Variants in ERBB4 observed in about 807,000 individuals in gnomAD.
ERBB4 encodes the protein erb-b2 receptor tyrosine kinase 4, also known as receptor tyrosine-protein kinase erbB-4.
ERBB4 carries 42 observed loss-of-function variants against 158.0 expected under a neutral mutation model. The observed-to-expected ratio is 0.27, with a 90% CI of 0.21 to 0.34. The LOEUF (loss-of-function observed/expected upper bound fraction) is 0.34. Ranked by LOEUF, ERBB4 falls within the 10% of genes least tolerant of loss-of-function variation. The pLI, the probability that ERBB4 is intolerant of heterozygous loss-of-function variation, is 1.00. For missense variants in ERBB4, 1,333 were observed against 1,624.1 expected (o/e 0.82, Z 3.08); for synonymous variants, 583 against 558.7 (o/e 1.04, Z -0.61).
chr2:211,865,869 G>A (rs529829163), intron 3 of ERBB4, among the ~76,000 whole-genome samples: 2 of 151,434 alleles, frequency 1.3e-5, no homozygotes, highest in African/African-American at 4.8e-5. Flanking sequence ...TACTACTTAA[G>A]AAGAAAATGA....
At chr2:211,943,312 T>C (rs977132419) in intron 3 of ERBB4, among the ~76,000 whole-genome samples, 1 of 152,000 alleles carries the variant, frequency 6.6e-6, no homozygotes, top group African/African-American at 2.4e-5. Context: ...CTATTAAATG[T>C]CGATTTGAAT....
intron 3 of ERBB4, among the ~76,000 whole-genome samples, chr2:211,806,788 T>C (rs1242847619): frequency 6.6e-6 from 1 of 152,132 alleles, no homozygotes; most frequent in East Asian, 1.9e-4. Flanking sequence ...AGGAAATAAA[T>C]ATAATCATAG....
At chr2:212,141,805 C>T (rs2080486891) in intron 1 of ERBB4, among the ~76,000 whole-genome samples, 3 of 152,154 alleles carry the variant, frequency 2.0e-5, no homozygotes, top group South Asian at 4.1e-4. Flanking sequence ...GTCTTTCCAT[C>T]TGATGTCCCT....
At chr2:211,392,590 ACACACACACACCCC>A (rs2062823337) in intron 25 of ERBB4, among the ~76,000 whole-genome samples, 1 of 150,786 alleles carries the variant, frequency 6.6e-6, no homozygotes, top group Non-Finnish European at 1.5e-5. Context: ...ACACACACAC[ACACACACACACCCC>A]AATAATGACT....
intron 15 of ERBB4, among the ~76,000 whole-genome samples, chr2:211,662,407 CA>C (rs756766950): frequency 6.6e-6 from 1 of 152,074 alleles, no homozygotes; most frequent in South Asian, 2.1e-4. Context: ...CTTATCATTT[CA>C]AAATACTGTG....
chr2:211,570,110 CT>C (rs955080904), intron 19 of ERBB4, among the ~76,000 whole-genome samples: 3 of 138,606 alleles, frequency 2.2e-5, no homozygotes, highest in African/African-American at 7.4e-5. Flanking sequence ...AAAAATTACT[CT>C]TTTAGTTGTT....
At chr2:212,231,961 T>C (rs750357224) in intron 1 of ERBB4, among the ~76,000 whole-genome samples, 21 of 152,230 alleles carry the variant, frequency 1.4e-4, no homozygotes, top group Non-Finnish European at 2.4e-4. Flanking sequence ...ATTGTTTTTA[T>C]GACCCTGAAT....
intron 3 of ERBB4, among the ~76,000 whole-genome samples, chr2:211,870,535 A>G (rs918018554): frequency 2.6e-5 from 4 of 152,152 alleles, no homozygotes; most frequent in Non-Finnish European, 5.9e-5. Flanking sequence ...CTAAGTTACT[A>G]TAAGATCAAA....
At chr2:212,316,721 A>C (rs963426181) in intron 1 of ERBB4, among the ~76,000 whole-genome samples, 10 of 151,510 alleles carry the variant, frequency 6.6e-5, no homozygotes, top group Admixed American at 6.6e-4. Context: ...TTCCTAAAAA[A>C]AATGGAGAGA....
At chr2:211,408,186 G>A (rs1370143486) in intron 25 of ERBB4, among the ~76,000 whole-genome samples, 1 of 152,120 alleles carries the variant, frequency 6.6e-6, no homozygotes, top group South Asian at 2.1e-4. Flanking sequence ...TATATAAAGG[G>A]TAAAGAAACT....
Position 212,036,202 on chromosome 2 carries a change from A to G in ERBB4, c.234+88550T>C, listed in dbSNP as rs568138259. Among the ~76,000 whole-genome samples, 14 of 152,254 alleles carry G rather than the reference A, an allele frequency of 9.2e-5. No individual in the cohort carries two copies. The South Asian group carries it at 2.9e-3, about 32-fold the overall frequency. On this transcript the variant is annotated intron_variant, in intron 2 of 27. Transcript: ENST00000342788. ...GAAGACAGTTAGCCTACTGATCCCAACAGTTCCTTTCCAAAGGCTTCTCCT... is the reference window on the plus strand; with the variant it reads ...GAAGACAGTTAGCCTACTGATCCCAGCAGTTCCTTTCCAAAGGCTTCTCCT...
chr2:211,792,504 C>T (rs1201018781), intron 3 of ERBB4, among the ~76,000 whole-genome samples: 5 of 151,738 alleles, frequency 3.3e-5, no homozygotes, highest in African/African-American at 1.2e-4. Context: ...ATTTATAAGG[C>T]ATTTTTACTC....
chr2:212,478,261 G>A (rs1299407854), intron 1 of ERBB4, among the ~76,000 whole-genome samples: 1 of 152,064 alleles, frequency 6.6e-6, no homozygotes, highest in Non-Finnish European at 1.5e-5. Flanking sequence ...GCTTGTACCA[G>A]GCATGTTTTC....
At chr2:212,226,331 T>C (rs1187560850) in intron 1 of ERBB4, among the ~76,000 whole-genome samples, 1 of 152,042 alleles carries the variant, frequency 6.6e-6, no homozygotes, top group African/African-American at 2.4e-5. Context: ...TCAGTTTCAG[T>C]TTTGTGAGAC....
At chr2:211,988,782 C>T (rs1448191348) in intron 2 of ERBB4, among the ~76,000 whole-genome samples, 1 of 152,020 alleles carries the variant, frequency 6.6e-6, no homozygotes, top group Non-Finnish European at 1.5e-5. Flanking sequence ...ATTAAAGCTA[C>T]TTTTATCAAT....
chr2:212,144,888 G>T (rs1426397525), intron 1 of ERBB4, among the ~76,000 whole-genome samples: 2 of 152,142 alleles, frequency 1.3e-5, no homozygotes, highest in Non-Finnish European at 2.9e-5. Flanking sequence ...ATGTTAGACT[G>T]AATATATCTT....
intron 3 of ERBB4, among the ~76,000 whole-genome samples, chr2:211,827,906 A>G (rs1341782444): frequency 1.3e-5 from 2 of 152,158 alleles, no homozygotes; most frequent in Non-Finnish European, 2.9e-5. Context: ...GATGGCTATA[A>G]GACACATTCA....
intron 25 of ERBB4, among the ~76,000 whole-genome samples, chr2:211,413,309 A>AAAAAAAAAAAAAACACAC (rs1553524037): frequency 3.2e-5 from 3 of 94,576 alleles, no homozygotes; most frequent in Non-Finnish European, 4.7e-5. Flanking sequence ...CTGTCTTAAA[A>AAAAAAAAAAAAAACACAC]ACACACACAC....
intron 1 of ERBB4, among the ~76,000 whole-genome samples, chr2:212,481,522 T>C (rs1259369830): frequency 6.6e-6 from 1 of 152,200 alleles, no homozygotes; most frequent in Non-Finnish European, 1.5e-5. Context: ...TCACTGACCC[T>C]TGAATCAAAT....
Sources: gnomAD v4.1 joint callset for allele counts (sites outside exome capture counted in the v4.1 genomes callset) on GRCh38, gnomAD v4.1.1 for gene constraint, MANE v1.5 for transcripts, NCBI Gene and HGNC (gene_info 2026-07-23, HGNC 2026-07-21) for gene names.